XPNPEP3: variants seen among roughly 807,000 people sequenced by gnomAD.
The protein encoded by XPNPEP3 is X-prolyl aminopeptidase 3.
A neutral mutation model predicts 60.0 loss-of-function variants in XPNPEP3; 41 were observed. That is an observed-to-expected ratio of 0.68 (90% CI 0.53 to 0.89). The LOEUF is 0.89. XPNPEP3 is among the 40% of genes least tolerant of loss of function. The pLI is 0.00. For synonymous variants in XPNPEP3, 212 were observed against 223.2 expected, an observed-to-expected ratio of 0.95 and a Z score of 0.45; for missense variants, 598 against 638.9, an observed-to-expected ratio of 0.94 and a Z score of 0.69.
At position 40,922,375 on chromosome 22, in the gene XPNPEP3, G is replaced by A. The variant is rs2058219992; in HGVS notation, c.1098G>A (p.Glu366=). Residue 366 remains glutamate, a synonymous_variant, in exon 8 of 10, where the codon GAG becomes GAA. Coordinates refer to ENST00000357137, the MANE Select transcript of XPNPEP3 (RefSeq NM_022098.4). ...CAGAACTCTATGAAGCCGTTCTAGA[G>A]ATCCAAAGAGATTGTTTGGCCCTCT... ...PQAELYEAVL[E]IQRDCLALCF... is the part of the protein sequence containing the mutation. 1 of 1,613,832 alleles carries A rather than the reference G, an allele frequency of 6.2e-7. No individual in the cohort carries two copies. Among genetic ancestry groups the A allele is most frequent in the African/African-American group, 1.3e-5 (1 of 74,990 alleles).
At chr22:40,920,269 G>A (rs1164644941) in intron 7 of XPNPEP3, among the ~76,000 whole-genome samples, 1 of 152,126 alleles carries the variant, frequency 6.6e-6, no homozygotes, top group Non-Finnish European at 1.5e-5. Flanking sequence ...TTGGGAGGCC[G>A]AGGCAGGAGA....
intron 4 of XPNPEP3, among the ~76,000 whole-genome samples, chr22:40,901,919 A>C (rs2058135028): frequency 6.6e-6 from 1 of 152,082 alleles, no homozygotes; most frequent in Admixed American, 6.6e-5. Context: ...ATGTTTGGGA[A>C]CTAGAGAGAG....
At chr22:40,860,631 AAAC>A (rs2057937195) in intron 1 of XPNPEP3, 15 of 1,316,320 alleles carry the variant, frequency 1.1e-5, no homozygotes, top group Non-Finnish European at 1.3e-5. Flanking sequence ...CAAAAGTAAA[AAAC>A]TCATTGCAGT....
intron 1 of XPNPEP3, chr22:40,861,502 G>A (rs1349115354): frequency 6.2e-7 from 1 of 1,614,154 alleles, no homozygotes; most frequent in East Asian, 2.2e-5. Context: ...AGGCCTTCAT[G>A]CCCCAATGAA....
rs931510031 is a variant in XPNPEP3 at position 40,929,699 on chromosome 22, A to T, written c.*3264A>T. On this transcript the variant is annotated 3_prime_UTR_variant, in exon 10 of 10. Transcript: ENST00000357137. ...TTGTCCTTTGAGTCCCAGATTAACT[A>T]ACTATAGCAGCTAAGCATTTGAATC... The T allele has an allele frequency of 1.3e-5, 2 of 152,146 alleles. No individual in the cohort carries two copies. The highest frequency in any genetic ancestry group is 4.8e-5 in the African/African-American group (2 of 41,432). The allele number at this position is 152,146 out of a possible 1,614,324, so 9.4% of individuals were successfully genotyped here. A position where few individuals can be genotyped will look rare whatever the true frequency, so the allele number is the denominator to read the frequency against.
At chr22:40,891,571 C>T (rs775936382) in intron 4 of XPNPEP3, among the ~76,000 whole-genome samples, 13 of 151,478 alleles carry the variant, frequency 8.6e-5, no homozygotes, top group Non-Finnish European at 1.5e-4. Flanking sequence ...GGGAATCGCT[C>T]GAACCTGGGA....
At chr22:40,921,937 C>CT (rs2058218114) in intron 7 of XPNPEP3, among the ~76,000 whole-genome samples, 1 of 151,800 alleles carries the variant, frequency 6.6e-6, no homozygotes, top group African/African-American at 2.4e-5. Context: ...CCCATGGTAT[C>CT]TGCTTCACCT....
At chr22:40,918,813 C>G (rs1300660394) in intron 7 of XPNPEP3, among the ~76,000 whole-genome samples, 1 of 149,040 alleles carries the variant, frequency 6.7e-6, no homozygotes, top group East Asian at 2.0e-4. Context: ...GTTGTTTTAT[C>G]TGACTGGTAT....
chr22:40,873,106 T>A (rs1342140068), intron 2 of XPNPEP3, among the ~76,000 whole-genome samples: 3 of 132,176 alleles, frequency 2.3e-5, no homozygotes, highest in African/African-American at 8.6e-5. Flanking sequence ...TTCTTTTTTT[T>A]TTTTTTTTTT....
chr22:40,891,661 A>C (rs1249112792), intron 4 of XPNPEP3, among the ~76,000 whole-genome samples: 1 of 152,078 alleles, frequency 6.6e-6, no homozygotes, highest in East Asian at 1.9e-4. Flanking sequence ...TCAAAAAAAA[A>C]AAAAAGGTTA....
chr22:40,861,508 A>G (rs369089496), intron 1 of XPNPEP3: 10 of 1,614,074 alleles, frequency 6.2e-6, no homozygotes, highest in African/African-American at 1.3e-5. Flanking sequence ...TCATGCCCCA[A>G]TGAACCCTGT....
At position 40,871,981 on chromosome 22, in the gene XPNPEP3, TGA is replaced by T. The variant is rs1195091380; in HGVS notation, c.181+2869_181+2870del. On this transcript the variant is annotated intron_variant, in intron 2 of 9. Coordinates refer to ENST00000357137, the MANE Select transcript of XPNPEP3 (RefSeq NM_022098.4). ...CTGGGAGGCAGAGGTTGCAGTGAGCTGAGATCACGCCATTGCACTCCAGCTTG... is the reference window on the plus strand; with the variant it reads ...CTGGGAGGCAGAGGTTGCAGTGAGCTGATCACGCCATTGCACTCCAGCTTG... Among the ~76,000 whole-genome samples, 9 of 152,242 alleles carry T rather than the reference TGA, an allele frequency of 5.9e-5. No individual in the cohort carries two copies. In the South Asian group the frequency reaches 8.3e-4, roughly 14 times the overall value.
chr22:40,913,585 T>C (rs563506108), intron 6 of XPNPEP3, among the ~76,000 whole-genome samples: 2 of 150,862 alleles, frequency 1.3e-5, no homozygotes, highest in African/African-American at 4.9e-5. Context: ...GGCATATGGG[T>C]TTTTTTTTCT....
chr22:40,882,635 A>T (rs933403976), intron 3 of XPNPEP3, among the ~76,000 whole-genome samples: 6 of 125,060 alleles, frequency 4.8e-5, no homozygotes, highest in Non-Finnish European at 9.2e-5. Flanking sequence ...AGACTGTCTT[A>T]AAAAAAAAAA....
In XPNPEP3 at chr22:40,924,391, TG is replaced by T. The variant is rs550032753; in HGVS notation, c.1268del (p.Gly423AlafsTer25). 1 of 1,614,232 alleles carries T rather than the reference TG, an allele frequency of 6.2e-7. No individual in the cohort carries two copies. The highest frequency in any genetic ancestry group is 8.5e-7 in the Non-Finnish European group (1 of 1,180,036). On this transcript the variant is annotated frameshift_variant, in exon 9 of 10. Coordinates refer to ENST00000357137, the MANE Select transcript of XPNPEP3 (RefSeq NM_022098.4). LOFTEE classifies it high-confidence loss of function. ...CTCGAAAATACTGTCCTCATCATGT[TG>T]GCCACTACCTCGGGATGGATGTCCA... ...AARKYCPHHV[G>X]HYLGMDVHDT...
chr22:40,889,225 A>G (rs779929202), intron 4 of XPNPEP3, among the ~76,000 whole-genome samples: 18 of 151,902 alleles, frequency 1.2e-4, no homozygotes, highest in Admixed American at 2.0e-4. Context: ...GGGTGTCACT[A>G]TATTATCCAG....
At chr22:40,893,719 T>C (rs969835927) in intron 4 of XPNPEP3, among the ~76,000 whole-genome samples, 7 of 151,852 alleles carry the variant, frequency 4.6e-5, no homozygotes, top group Non-Finnish European at 8.8e-5. Context: ...CAGGTTCAGG[T>C]GATTCTCCTG....
intron 7 of XPNPEP3, among the ~76,000 whole-genome samples, chr22:40,918,134 G>A (rs1370392053): frequency 2.0e-5 from 3 of 152,052 alleles, no homozygotes; most frequent in Non-Finnish European, 4.4e-5. Flanking sequence ...TGTTTTGGGA[G>A]GCTGACGCAG....
intron 2 of XPNPEP3, among the ~76,000 whole-genome samples, chr22:40,880,852 T>A (rs960821528): frequency 6.6e-5 from 10 of 151,518 alleles, no homozygotes; most frequent in Non-Finnish European, 1.2e-4. Context: ...TTTCATTATA[T>A]AAAATCTCTG....
Sources: gnomAD v4.1 joint callset for allele counts (sites outside exome capture counted in the v4.1 genomes callset) on GRCh38, gnomAD v4.1.1 for gene constraint, MANE v1.5 for transcripts, NCBI Gene and HGNC (gene_info 2026-07-23, HGNC 2026-07-21) for gene names.